Variants in MACF1 observed in about 807,000 individuals in gnomAD.
MACF1 encodes the protein microtubule-actin cross-linking factor 1.
In MACF1, 193 loss-of-function variants were observed where a neutral mutation model predicts 854.8. The ratio of observed to expected loss-of-function variants is 0.23; its 90% CI spans 0.20 to 0.25. The LOEUF (loss-of-function observed/expected upper bound fraction) is 0.25, where lower values mean the gene tolerates loss of function less well. Among genes scored for constraint, MACF1 ranks in the 10% least tolerant of loss-of-function variants. The pLI, the probability that MACF1 is intolerant of heterozygous loss-of-function variation, is 1.00. For missense variants in MACF1, 7,722 were observed against 8,929.1 expected (o/e 0.86, Z 5.45); for synonymous variants, 3,185 against 3,226.7 (o/e 0.99, Z 0.44).
At chr1:39,218,912 C>T (rs1038013752) in intron 1 of MACF1, among the ~76,000 whole-genome samples, 2 of 152,130 alleles carry the variant, frequency 1.3e-5, no homozygotes, top group African/African-American at 4.8e-5. Flanking sequence ...TCCCAAGTAG[C>T]TGGGATTACA....
At chr1:39,158,956 A>T (rs1038533757) in intron 2 of MACF1, among the ~76,000 whole-genome samples, 1 of 152,142 alleles carries the variant, frequency 6.6e-6, no homozygotes, top group Non-Finnish European at 1.5e-5. Context: ...GAACCAACTC[A>T]ACTGGGCCGG....
At chr1:39,265,889 T>G (rs1239092585) in intron 6 of MACF1, among the ~76,000 whole-genome samples, 2 of 152,194 alleles carry the variant, frequency 1.3e-5, no homozygotes, top group Non-Finnish European at 2.9e-5. Context: ...ATGGACATTA[T>G]CTCATTAACC....
chr1:39,315,445 T>G lies in MACF1; in HGVS notation c.3271-68T>G, dbSNP rs553505258. 2.7e-6 allele frequency: 4 copies of G among 1,457,374 alleles called. No individual in the cohort carries two copies. The South Asian group carries it at 4.9e-5, about 18-fold the overall frequency. The allele number at this position is 1,457,374 out of a possible 1,614,324, so 90.3% of individuals were successfully genotyped here. A position where few individuals can be genotyped will look rare whatever the true frequency, so the allele number is the denominator to read the frequency against. ...GTTTCCAATATTTAGCTATTACAAATGTGGACTTCTTTCTACCTTTTTTGT... is the reference window on the plus strand; with the variant it reads ...GTTTCCAATATTTAGCTATTACAAAGGTGGACTTCTTTCTACCTTTTTTGT... On this transcript the variant is annotated intron_variant, in intron 26 of 100. Coordinates refer to ENST00000564288, the MANE Select transcript of MACF1 (RefSeq NM_001394062.1).
intron 2 of MACF1, among the ~76,000 whole-genome samples, chr1:39,167,873 CA>C (rs770717347): frequency 7.4e-4 from 29 of 39,178 alleles, no homozygotes; most frequent in African/African-American, 1.4e-3. Flanking sequence ...GACTCCGTCT[CA>C]AAAAAAAAAA....
At chr1:39,413,901 A>G (rs1202007629) in intron 58 of MACF1, 1 of 1,607,468 alleles carries the variant, frequency 6.2e-7, no homozygotes, top group Admixed American at 1.7e-5. Context: ...TGGCCACCCT[A>G]GAGGAATTCA....
Position 39,443,487 on chromosome 1 carries a change from A to G in MACF1, c.19344A>G (p.Glu6448=), listed in dbSNP as rs148529836. 6.0e-5 allele frequency: 97 copies of G among 1,613,788 alleles called. 1 individual carries two copies. In the African/African-American group the frequency reaches 9.9e-4, roughly 16 times the overall value. Residue 6448 remains glutamate (E), a synonymous_variant, in exon 79 of 101, where the codon GAA becomes GAG. Coordinates refer to ENST00000564288, the MANE Select transcript of MACF1 (RefSeq NM_001394062.1). ...GTGAAATTGAAGATTTCCTCTTGGA[A>G]CTTACTAGAATGGAGAGCCAGCTTT... ...FHSEIEDFLL[E]LTRMESQLSA... is the part of the protein sequence containing the mutation.
intron 2 of MACF1, among the ~76,000 whole-genome samples, chr1:39,193,428 C>T (rs1198983578): frequency 6.6e-6 from 1 of 152,200 alleles, no homozygotes; most frequent in African/African-American, 2.4e-5. Flanking sequence ...TTGAGCTGTT[C>T]AATACCACAC....
intron 58 of MACF1, among the ~76,000 whole-genome samples, chr1:39,421,378 ATCTTAC>A (rs1286516452): frequency 6.6e-6 from 1 of 152,212 alleles, no homozygotes; most frequent in Non-Finnish European, 1.5e-5. Flanking sequence ...GTAAATCTGT[ATCTTAC>A]TCAGAGTGTG....
intron 20 of MACF1, among the ~76,000 whole-genome samples, chr1:39,297,224 C>A (rs1645942550): frequency 6.6e-6 from 1 of 152,136 alleles, no homozygotes; most frequent in African/African-American, 2.4e-5. Context: ...CCGCGCCTGG[C>A]CTTTTGCCCC....
In MACF1 at chr1:39,316,956, T is replaced by C. The variant is rs1261430105; in HGVS notation, c.3589-258T>C. ...TGACTTATTTTGGTTTCATATGTTA[T>C]AAGTGGTGAAGCCAGGTTTCAAACA... On this transcript the variant is annotated intron_variant, in intron 28 of 100. Transcript: ENST00000564288. Among the ~76,000 whole-genome samples, 3 of 152,258 alleles carry C rather than the reference T, an allele frequency of 2.0e-5. No individual in the cohort carries two copies. The East Asian group carries it at 5.8e-4, about 29-fold the overall frequency.
chr1:39,106,876 G>C (rs185755998), intron 2 of MACF1, among the ~76,000 whole-genome samples: 1 of 146,174 alleles, frequency 6.8e-6, no homozygotes, highest in African/African-American at 2.5e-5. Context: ...GAGATGAAAT[G>C]CGAAAAAAGA....
intron 58 of MACF1, among the ~76,000 whole-genome samples, chr1:39,394,548 G>A (rs964656630): frequency 2.0e-5 from 3 of 152,040 alleles, no homozygotes; most frequent in Non-Finnish European, 4.4e-5. Flanking sequence ...GCTTGGACCT[G>A]GGAGGCAGAA....
intron 2 of MACF1, among the ~76,000 whole-genome samples, chr1:39,247,336 G>T (rs1386405984): frequency 1.3e-5 from 2 of 152,054 alleles, no homozygotes; most frequent in Non-Finnish European, 2.9e-5. Flanking sequence ...CTCCCAAAGT[G>T]CTGGGATTAC....
chr1:39,404,489 C>T (rs1012686322), intron 58 of MACF1, among the ~76,000 whole-genome samples: 5 of 151,350 alleles, frequency 3.3e-5, no homozygotes, highest in African/African-American at 1.2e-4. Flanking sequence ...AAAAAATTAA[C>T]AACAACAACA....
At chr1:39,360,011 AAATATATATATATATATATATATATAT>A (rs1399417477) in intron 47 of MACF1, among the ~76,000 whole-genome samples, 1 of 46,608 alleles carries the variant, frequency 2.1e-5, no homozygotes, top group African/African-American at 1.2e-4. Context: ...AAAAAAAAAA[AAATATATATATATATATATATATATAT>A]ATATATATAT....
intron 58 of MACF1, among the ~76,000 whole-genome samples, chr1:39,402,672 C>T (rs891172135): frequency 6.6e-6 from 1 of 152,136 alleles, no homozygotes; most frequent in Non-Finnish European, 1.5e-5. Flanking sequence ...ACTGCTTATC[C>T]TTAACCCCCT....
intron 61 of MACF1, among the ~76,000 whole-genome samples, chr1:39,424,900 A>G (rs887679049): frequency 6.6e-6 from 1 of 152,220 alleles, no homozygotes; most frequent in African/African-American, 2.4e-5. Context: ...TTTCCTAGGT[A>G]GCCTATGGCA....
At chr1:39,477,112 CTTAGTGT>C (rs1644916490) in intron 97 of MACF1, among the ~76,000 whole-genome samples, 1 of 83,362 alleles carries the variant, frequency 1.2e-5, no homozygotes, top group African/African-American at 4.6e-5. Context: ...CATATATACA[CTTAGTGT>C]ATATATATAT....
At chr1:39,134,488 A>G (rs908411685) in intron 2 of MACF1, among the ~76,000 whole-genome samples, 13 of 152,094 alleles carry the variant, frequency 8.5e-5, no homozygotes, top group African/African-American at 1.9e-4. Context: ...TTGTTGTATC[A>G]GATACATTTT....
Sources: gnomAD v4.1 joint callset for allele counts (sites outside exome capture counted in the v4.1 genomes callset) on GRCh38, gnomAD v4.1.1 for gene constraint, MANE v1.5 for transcripts, NCBI Gene and HGNC (gene_info 2026-07-23, HGNC 2026-07-21) for gene names.